Variants in PTPRB observed in about 807,000 individuals in gnomAD.
PTPRB encodes protein tyrosine phosphatase receptor type B, also known as receptor-type tyrosine-protein phosphatase beta.
Under a neutral mutation model 238.1 loss-of-function variants are expected in PTPRB, and 97 were observed. That is an observed-to-expected ratio of 0.41 (90% CI 0.35 to 0.48). The LOEUF is 0.48. Ranked by LOEUF, PTPRB falls within the 20% of genes least tolerant of loss-of-function variation. The pLI, the probability that PTPRB is intolerant of heterozygous loss-of-function variation, is 0.30. For synonymous variants in PTPRB, 970 were observed against 995.4 expected, an observed-to-expected ratio of 0.97 and a Z score of 0.48; for missense variants, 2,292 against 2,681.9, an observed-to-expected ratio of 0.85 and a Z score of 3.21.
chr12:70,610,608 C>T (rs1048395129), intron 3 of PTPRB, among the ~76,000 whole-genome samples: 8 of 152,134 alleles, frequency 5.3e-5, no homozygotes, highest in Non-Finnish European at 1.0e-4. Flanking sequence ...CATCCCCTGA[C>T]ACTAGCAAGA....
chr12:70,586,092 G>C (rs1462735412), intron 9 of PTPRB, among the ~76,000 whole-genome samples: 1 of 152,104 alleles, frequency 6.6e-6, no homozygotes, highest in Non-Finnish European at 1.5e-5. Flanking sequence ...ATTGTGAATA[G>C]TGCCGCAATA....
chr12:70,571,293 G>A lies in PTPRB; in HGVS notation c.3107-4C>T, dbSNP rs762677695. 8.2e-6 allele frequency: 13 copies of A among 1,584,764 alleles called. No homozygotes were observed. The African/African-American group carries it at 1.2e-4, about 15-fold the overall frequency. On this transcript the variant is annotated splice_region_variant and splice_polypyrimidine_tract_variant and intron_variant, in intron 12 of 33. Coordinates refer to ENST00000334414, the MANE Select transcript of PTPRB (RefSeq NM_001109754.4). ...AGATCCTTAACAGGCTCTGGAACTA[G>A]GGAGAAAAATGAGAAGACATTTCAG...
At chr12:70,523,918 C>T (rs1871963249) in intron 33 of PTPRB, among the ~76,000 whole-genome samples, 1 of 151,522 alleles carries the variant, frequency 6.6e-6, no homozygotes, top group African/African-American at 2.4e-5. Flanking sequence ...CAGGTTCAAG[C>T]AGTTCTGCCT....
chr12:70,570,140 G>A (rs1314055724), intron 13 of PTPRB, among the ~76,000 whole-genome samples: 2 of 152,080 alleles, frequency 1.3e-5, no homozygotes, highest in South Asian at 2.1e-4. Context: ...AGTCAAAGCC[G>A]GTGAGTGGAA....
chr12:70,593,608 A>G (rs1324570583), intron 6 of PTPRB, among the ~76,000 whole-genome samples: 1 of 152,048 alleles, frequency 6.6e-6, no homozygotes, highest in Admixed American at 6.6e-5. Context: ...ATGTACATAA[A>G]TAACTTTTAA....
intron 2 of PTPRB, 103 bp downstream of exon 2, chr12:70,635,568 G>T (rs1366605169): frequency 1.5e-6 from 2 of 1,355,740 alleles, no homozygotes; most frequent in Admixed American, 4.8e-5. Flanking sequence ...TGGGGCATGT[G>T]GACTTCCCTT....
chr12:70,559,053 G>A (rs1404325818), intron 18 of PTPRB: 5 of 524,428 alleles, frequency 9.5e-6, no homozygotes, highest in East Asian at 2.9e-5. Flanking sequence ...TACCTAACAA[G>A]TGTCTCCATA....
chr12:70,544,684 T>A lies in PTPRB; in HGVS notation c.5388-21A>T, dbSNP rs371138735. 2,425 of 1,503,908 alleles carry A rather than the reference T, an allele frequency of 1.6e-3. 2 individuals carry two copies. The highest frequency in any genetic ancestry group is 2.0e-3 in the Non-Finnish European group (2,228 of 1,115,754). 93.2% of individuals were successfully genotyped at this position (1,503,908 alleles called of 1,614,324 possible). On this transcript the variant is annotated intron_variant, in intron 21 of 33. Coordinates refer to ENST00000334414, the MANE Select transcript of PTPRB (RefSeq NM_001109754.4). ...TGATTCTGAAAAGAAAACCGATTTA[T>A]TTAAATATAAATTAGTTGTTGAACA... is the stretch of plus-strand genomic sequence containing the variant.
chr12:70,582,230 C>T (rs2119807), intron 9 of PTPRB, among the ~76,000 whole-genome samples: 63,425 of 151,818 alleles, frequency 0.42, 13,784 homozygotes, highest in African/African-American at 0.55. Flanking sequence ...ACCCCTCTTT[C>T]TCAAAGTTCA....
Position 70,581,147 on chromosome 12 carries a change from T to C in PTPRB, c.2467A>G (p.Thr823Ala). 1 of 1,613,992 alleles carries C rather than the reference T, an allele frequency of 6.2e-7. No individual in the cohort carries two copies. Among genetic ancestry groups the C allele is most frequent in the South Asian group, 1.1e-5 (1 of 91,082 alleles). Residue 823 changes from threonine to alanine, a missense_variant, in exon 10 of 34, where the codon ACC becomes GCC. Thr to Ala is a moderately conservative substitution (Grantham distance 58, BLOSUM62 0). Transcript: ENST00000334414. ...VIKNESISSE[T>A]SRYSFHSLKS... Reference sequence around the variant, plus strand: ...AGAGAGTGGAAGCTGTATCTGCTGGTCTCACTGGAGATGCTTTCATTTTTA... The same window carrying C: ...AGAGAGTGGAAGCTGTATCTGCTGGCCTCACTGGAGATGCTTTCATTTTTA...
chr12:70,586,018 G>A (rs918121574), intron 9 of PTPRB, among the ~76,000 whole-genome samples: 1 of 152,150 alleles, frequency 6.6e-6, no homozygotes, highest in African/African-American at 2.4e-5. Flanking sequence ...GGTGTAATAT[G>A]TGCCACATTT....
In PTPRB at chr12:70,582,012, T is replaced by G. The variant is rs114244641; in HGVS notation, c.2312-710A>C. ...GTAAGTAATTTAGCCTATATCACAG[T>G]GCTAACAAATAGCCAACCTGGAACT... On this transcript the variant is annotated intron_variant, in intron 9 of 33. Transcript: ENST00000334414. Among the ~76,000 whole-genome samples the G allele has an allele frequency of 4.4e-3, 673 of 152,230 alleles. 5 individuals carry two copies. Among genetic ancestry groups the G allele is most frequent in the African/African-American group, 0.016 (648 of 41,542 alleles).
chr12:70,604,097 T>G (rs1223542005), intron 4 of PTPRB, among the ~76,000 whole-genome samples: 1 of 152,018 alleles, frequency 6.6e-6, no homozygotes, highest in Non-Finnish European at 1.5e-5. Context: ...AAAAACTAGC[T>G]GGGTGTGGTA....
chr12:70,575,775 T>C (rs1880618884), intron 11 of PTPRB, among the ~76,000 whole-genome samples: 1 of 152,348 alleles, frequency 6.6e-6, no homozygotes, highest in African/African-American at 2.4e-5. Flanking sequence ...AATTTAATTC[T>C]TTCCAGCACA....
Position 70,521,431 on chromosome 12 carries a change from T to A in PTPRB, c.*58A>T. ...CACCTCTGTAGGGCATGAAGCAAGT[T>A]TTTAAAAACAAATCACACAGTGAAT... is the stretch of plus-strand genomic sequence containing the variant. On this transcript the variant is annotated 3_prime_UTR_variant, in exon 34 of 34. Transcript: ENST00000334414. 1 of 1,462,368 alleles carries A rather than the reference T, an allele frequency of 6.8e-7. No homozygotes were observed. Among genetic ancestry groups the A allele is most frequent in the East Asian group, 2.5e-5 (1 of 39,674 alleles). The allele number at this position is 1,462,368 out of a possible 1,614,324, so 90.6% of individuals were successfully genotyped here.
intron 21 of PTPRB, among the ~76,000 whole-genome samples, chr12:70,549,944 T>G (rs1388457982): frequency 6.6e-6 from 1 of 152,244 alleles, no homozygotes; most frequent in Non-Finnish European, 1.5e-5. Context: ...TTCATAAACA[T>G]TTCACAAGCA....
At chr12:70,631,482 GA>G (rs1483958342) in intron 2 of PTPRB, among the ~76,000 whole-genome samples, 1 of 152,124 alleles carries the variant, frequency 6.6e-6, no homozygotes, top group Non-Finnish European at 1.5e-5. Context: ...AACCCTAGAA[GA>G]AAACCTAGGC....
At chr12:70,538,026 G>A (rs141367804) in intron 28 of PTPRB, 129 bp downstream of exon 28, 3 of 703,542 alleles carry the variant, frequency 4.3e-6, no homozygotes, top group Non-Finnish European at 6.9e-6. Flanking sequence ...ATGGCATTCA[G>A]ATGTGCTCTT....
intron 33 of PTPRB, among the ~76,000 whole-genome samples, chr12:70,522,147 G>T (rs1871724831): frequency 6.6e-6 from 1 of 152,158 alleles, no homozygotes; most frequent in Non-Finnish European, 1.5e-5. Flanking sequence ...GCTAGGCTGG[G>T]TGGTAGAGAG....
Sources: gnomAD v4.1 joint callset for allele counts (sites outside exome capture counted in the v4.1 genomes callset) on GRCh38, gnomAD v4.1.1 for gene constraint, MANE v1.5 for transcripts, NCBI Gene and HGNC (gene_info 2026-07-23, HGNC 2026-07-21) for gene names.